Variants in SYNPO2 observed in about 807,000 individuals in gnomAD.
SYNPO2 encodes the protein synaptopodin-2.
A neutral mutation model predicts 85.0 loss-of-function variants in SYNPO2; 56 were observed. The observed-to-expected ratio is 0.66, with a 90% confidence interval of 0.53 to 0.82. SYNPO2 has a LOEUF of 0.82. Ranked by LOEUF, SYNPO2 falls within the 40% of genes least tolerant of loss-of-function variation. SYNPO2 has a pLI of 0.00. For synonymous variants in SYNPO2, 602 were observed against 591.1 expected, an observed-to-expected ratio of 1.02 and a Z score of -0.27; for missense variants, 1,575 against 1,534.2, an observed-to-expected ratio of 1.03 and a Z score of -0.44.
Position 119,027,129 on chromosome 4 carries a change from C to T in SYNPO2, c.760C>T (p.Leu254=). ...TACTAATGAGAAAGCAGACCCTTTC[C>T]TGAGGTCCAGCAAGATAATCCAGAT... The part of the protein sequence containing the change: ...IPTNEKADPF[L]RSSKIIQISS... Residue 254 remains leucine, a synonymous_variant, in exon 3 of 5, where the codon CTG becomes TTG. Coordinates refer to ENST00000307142, the MANE Select transcript of SYNPO2 (RefSeq NM_133477.3). The T allele has an allele frequency of 6.2e-7, 1 of 1,614,202 alleles. No individual in the cohort carries two copies. The highest frequency in any genetic ancestry group is 1.1e-5 in the South Asian group (1 of 91,080).
intron 3 of SYNPO2, 29 bp downstream of exon 3, chr4:119,027,467 G>A: frequency 1.3e-6 from 2 of 1,521,290 alleles, no homozygotes; most frequent in Non-Finnish European, 1.8e-6. Context: ...TTCAGAAGGG[G>A]CTTGGGAGTT....
In SYNPO2 at chr4:119,057,868, T is replaced by C. The variant is rs1739264946; in HGVS notation, c.3720T>C (p.Asp1240=). The part of the protein sequence containing the change: ...SAIMSMETRS[D]YCLPVADYNY... ...TCATGTCCATGGAAACCAGGTCTGA[T>C]TACTGTCTTCCAGTAGCTGATTACA... The change falls in exon 5 of 5, where the codon GAT becomes GAC. Residue 1240 remains aspartate (D), a synonymous_variant. Coordinates refer to ENST00000307142, the MANE Select transcript of SYNPO2 (RefSeq NM_133477.3). The C allele has an allele frequency of 1.2e-6, 2 of 1,614,070 alleles. No individual in the cohort carries two copies. The highest frequency in any genetic ancestry group is 4.5e-5 in the East Asian group (2 of 44,856).
At chr4:118,874,820 T>A (rs1254001224) in intron 1 of SYNPO2, among the ~76,000 whole-genome samples, 1 of 152,220 alleles carries the variant, frequency 6.6e-6, no homozygotes, top group Non-Finnish European at 1.5e-5. Flanking sequence ...AAACACACAA[T>A]GCTGCAAAAA....
Position 119,030,544 on chromosome 4 carries a change from A to C in SYNPO2, c.1769A>C (p.Lys590Thr), listed in dbSNP as rs774913021. Residue 590 changes from lysine to threonine, a missense_variant, in exon 4 of 5, where the codon AAA becomes ACA. Around this residue, in one of 3 missense-constraint regions of SYNPO2, gnomAD observed 1,508 missense variants for 1,446.8 expected, o/e 1.04. Coordinates refer to ENST00000307142, the MANE Select transcript of SYNPO2 (RefSeq NM_133477.3). ...ATGGTCCCCATGAATAGAACGGCCA[A>C]ACCCTTCCCAGGGTCTGTGAATCAG... ...QRMVPMNRTA[K>T]PFPGSVNQPA... The C allele has an allele frequency of 1.9e-6, 3 of 1,614,042 alleles. No homozygotes were observed. The East Asian group carries it at 6.7e-5, about 36-fold the overall frequency.
intron 1 of SYNPO2, among the ~76,000 whole-genome samples, chr4:118,921,489 T>C (rs1733532865): frequency 6.6e-6 from 1 of 152,106 alleles, no homozygotes; most frequent in African/African-American, 2.4e-5. Context: ...GGTTTGTGCC[T>C]ATAATTTTAT....
At chr4:118,943,933 C>T (rs1325576625) in intron 1 of SYNPO2, among the ~76,000 whole-genome samples, 1 of 152,164 alleles carries the variant, frequency 6.6e-6, no homozygotes, top group Non-Finnish European at 1.5e-5. Flanking sequence ...AGTTATGTTG[C>T]TTTCAGTGCT....
At chr4:119,005,169 G>T (rs143969872) in intron 1 of SYNPO2, among the ~76,000 whole-genome samples, 3 of 152,044 alleles carry the variant, frequency 2.0e-5, no homozygotes, top group African/African-American at 4.8e-5. Flanking sequence ...TTCTCCCATT[G>T]TGTAGGTTGC....
At position 119,057,773 on chromosome 4, in the gene SYNPO2, A is replaced by T; in HGVS notation, c.3625A>T (p.Thr1209Ser). ...YNVTANNNMS[T>S]TSQYGSQLPY... ...TGTCACAGCCAATAATAATATGTCC[A>T]CCACCTCCCAATATGGTTCACAGTT... is the stretch of plus-strand genomic sequence containing the variant. The change falls in exon 5 of 5, where the codon ACC becomes TCC. Residue 1209 changes from threonine (T) to serine (S), a missense_variant. By Grantham distance (58) the Thr-to-Ser change is moderately conservative. This residue lies in a region of SYNPO2 where 1,508 missense variants were observed against 1,446.8 expected (regional missense o/e 1.04). Transcript: ENST00000307142. 1 of 1,614,086 alleles carries T rather than the reference A, an allele frequency of 6.2e-7. No homozygotes were observed. The highest frequency in any genetic ancestry group is 8.5e-7 in the Non-Finnish European group (1 of 1,180,008).
At chr4:119,052,139 G>A (rs1433454552) in intron 4 of SYNPO2, among the ~76,000 whole-genome samples, 1 of 152,126 alleles carries the variant, frequency 6.6e-6, no homozygotes, top group Non-Finnish European at 1.5e-5. Context: ...GGAGGGAAAG[G>A]GACAGGCTGA....
At chr4:119,020,943 C>T (rs1388892835) in intron 1 of SYNPO2, among the ~76,000 whole-genome samples, 2 of 150,604 alleles carry the variant, frequency 1.3e-5, no homozygotes, top group African/African-American at 2.4e-5. Context: ...TTCTCTTTCT[C>T]ATTGCTTTTG....
At chr4:118,916,519 T>A (rs761978452) in intron 1 of SYNPO2, among the ~76,000 whole-genome samples, 2 of 151,500 alleles carry the variant, frequency 1.3e-5, no homozygotes. Context: ...GTTAGAGAAA[T>A]CTTTTGCTAC....
chr4:118,987,921 T>C (rs1475078755), intron 1 of SYNPO2, among the ~76,000 whole-genome samples: 1 of 152,160 alleles, frequency 6.6e-6, no homozygotes, highest in Non-Finnish European at 1.5e-5. Flanking sequence ...GACTCAGAAA[T>C]ATTCTGTACC....
At chr4:118,964,662 C>G (rs889467647) in intron 1 of SYNPO2, among the ~76,000 whole-genome samples, 8 of 152,136 alleles carry the variant, frequency 5.3e-5, no homozygotes, top group Non-Finnish European at 4.4e-5. Flanking sequence ...TTCCCTCCCA[C>G]TCTTTGATTT....
intron 1 of SYNPO2, among the ~76,000 whole-genome samples, chr4:118,979,935 G>T (rs930779201): frequency 1.3e-5 from 2 of 152,158 alleles, no homozygotes. Flanking sequence ...TCTGTGCCTC[G>T]TGTTATTCTC....
At chr4:118,996,828 G>A (rs1378800836) in intron 1 of SYNPO2, among the ~76,000 whole-genome samples, 1 of 149,048 alleles carries the variant, frequency 6.7e-6, no homozygotes, top group Non-Finnish European at 1.5e-5. Context: ...CTGCACTCCA[G>A]CCTGGGTGAC....
In SYNPO2 at chr4:119,026,649, G is replaced by A; in HGVS notation, c.280G>A (p.Ala94Thr). ...CAGACCATCCAGTGGAATAAGTGAG[G>A]CTTTGATATCTGAAAATGAAAACAA... ...IKRPSSGISE[A>T]LISENENKNL... The change falls in exon 3 of 5, where the codon GCT becomes ACT. Residue 94 changes from alanine (A) to threonine (T), a missense_variant. This residue lies in a region of SYNPO2 where 1,508 missense variants were observed against 1,446.8 expected (regional missense o/e 1.04). Transcript: ENST00000307142. 1 of 1,609,124 alleles carries A rather than the reference G, an allele frequency of 6.2e-7. No homozygotes were observed. Among genetic ancestry groups the A allele is most frequent in the Non-Finnish European group, 8.5e-7 (1 of 1,177,626 alleles).
chr4:118,888,870 G>A lies in SYNPO2; in HGVS notation c.-167G>A, dbSNP rs1732263818. ...CCATTAGCCGCACAAATTCGCAGCA[G>A]GCGGCTGGGGCGGCGGCTGGGGCAG... On this transcript the variant is annotated 5_prime_UTR_variant, in exon 1 of 5. Coordinates refer to ENST00000307142, the MANE Select transcript of SYNPO2 (RefSeq NM_133477.3). The A allele has an allele frequency of 1.5e-6, 1 of 684,572 alleles. No homozygotes were observed. Among genetic ancestry groups the A allele is most frequent in the Non-Finnish European group, 2.5e-6 (1 of 398,056 alleles). The allele number at this position is 684,572 out of a possible 1,614,324, so 42.4% of individuals were successfully genotyped here. A position where few individuals can be genotyped will look rare whatever the true frequency, so the allele number is the denominator to read the frequency against.
chr4:118,954,567 C>A (rs970624814), intron 1 of SYNPO2, among the ~76,000 whole-genome samples: 4 of 152,184 alleles, frequency 2.6e-5, no homozygotes, highest in Admixed American at 6.5e-5. Flanking sequence ...AGGCATAATT[C>A]AGGCATAAAA....
intron 3 of SYNPO2, among the ~76,000 whole-genome samples, chr4:119,029,352 A>C (rs1314833831): frequency 6.6e-6 from 1 of 152,156 alleles, no homozygotes; most frequent in Non-Finnish European, 1.5e-5. Flanking sequence ...TTACATTAAA[A>C]CATTTAGAAA....
Sources: gnomAD v4.1 joint callset for allele counts (sites outside exome capture counted in the v4.1 genomes callset) on GRCh38, gnomAD v4.1.1 for gene constraint, gnomAD v4.1.1 regional missense constraint, MANE v1.5 for transcripts, NCBI Gene and HGNC (gene_info 2026-07-23, HGNC 2026-07-21) for gene names.